Variants in AMZ2 observed in about 807,000 individuals in gnomAD.
The protein encoded by AMZ2 is archaelysin family metallopeptidase 2.
A neutral mutation model predicts 36.7 loss-of-function variants in AMZ2; 26 were observed. The ratio of observed to expected loss-of-function variants is 0.71; its 90% CI spans 0.52 to 0.98. The LOEUF is 0.98. AMZ2 is among the 50% of genes least tolerant of loss of function. AMZ2 has a pLI of 0.00. For synonymous variants in AMZ2, 144 were observed against 149.1 expected, an observed-to-expected ratio of 0.97 and a Z score of 0.25; for missense variants, 394 against 430.5, an observed-to-expected ratio of 0.92 and a Z score of 0.75.
chr17:68,253,794 G>A (rs1343357360), intron 4 of AMZ2, among the ~76,000 whole-genome samples: 12 of 146,880 alleles, frequency 8.2e-5, no homozygotes, highest in African/African-American at 3.1e-4. Flanking sequence ...TCACTCTATC[G>A]TCAGGCTGGA....
intron 1 of AMZ2, among the ~76,000 whole-genome samples, chr17:68,212,213 A>G (rs1297322996): frequency 1.6e-4 from 24 of 152,170 alleles, no homozygotes; most frequent in Non-Finnish European, 1.5e-5. Context: ...TTCTACAAAA[A>G]ATACAAAAAT....
chr17:68,229,219 A>G (rs72847827), intron 1 of AMZ2, among the ~76,000 whole-genome samples: 55 of 148,550 alleles, frequency 3.7e-4, no homozygotes, highest in Admixed American at 5.3e-4. Flanking sequence ...CCCTGATTCC[A>G]TGGCACTGAC....
chr17:68,244,057 C>A (rs2073955102), upstream of AMZ2, among the ~76,000 whole-genome samples: 2 of 152,084 alleles, frequency 1.3e-5, no homozygotes, highest in African/African-American at 4.8e-5. Context: ...TAGTACAGAG[C>A]AAATAAATAA....
chr17:68,220,210 T>C (rs2144536161), intron 1 of AMZ2, among the ~76,000 whole-genome samples: 1 of 152,362 alleles, frequency 6.6e-6, no homozygotes, highest in East Asian at 1.9e-4. Context: ...TTTATACTTC[T>C]CTGTTTTCTA....
Position 68,257,030 on chromosome 17 carries a change from G to A in AMZ2, c.*61G>A. On this transcript the variant is annotated 3_prime_UTR_variant, in exon 7 of 7. Coordinates refer to ENST00000359904, the MANE Select transcript of AMZ2 (RefSeq NM_016627.5). ...ACTTGCATGTTATGCTTTCATTTGG[G>A]TGGAATACTTCATTGGAATAAACTA... 6.5e-7 allele frequency: 1 copy of A among 1,545,882 alleles called. No individual in the cohort carries two copies. The highest frequency in any genetic ancestry group is 8.8e-7 in the Non-Finnish European group (1 of 1,134,092).
rs565262549 is a variant in AMZ2 at position 68,238,625 on chromosome 17, G to C, written c.-66-10015G>C. Among the ~76,000 whole-genome samples the C allele has an allele frequency of 1.7e-4, 26 of 151,426 alleles. 1 individual carries two copies. Among genetic ancestry groups the C allele is most frequent in the African/African-American group, 6.3e-4 (26 of 41,002 alleles). On this transcript the variant is annotated intron_variant, in intron 1 of 7. Coordinates refer to the AMZ2 transcript ENST00000674770. ...CACAATCAGATTGTGGTAGCTTTTGGAAACTCTCTGAGGCACAGAAAATAA... is the reference window on the plus strand; with the variant it reads ...CACAATCAGATTGTGGTAGCTTTTGCAAACTCTCTGAGGCACAGAAAATAA...
chr17:68,253,759 ATTT>A (rs71142159), intron 4 of AMZ2, among the ~76,000 whole-genome samples: 1 of 146,552 alleles, frequency 6.8e-6, no homozygotes, highest in Non-Finnish European at 1.5e-5. Flanking sequence ...TGTTCATGTG[ATTT>A]TTTTTTTTTT....
Position 68,248,153 on chromosome 17 carries a change from C to T in AMZ2, c.-553C>T. 1.0e-6 allele frequency: 1 copy of T among 986,420 alleles called. No individual in the cohort carries two copies. Among genetic ancestry groups the T allele is most frequent in the Non-Finnish European group, 1.2e-6 (1 of 830,658 alleles). 61.1% of individuals were successfully genotyped at this position (986,420 alleles called of 1,614,324 possible). A position where few individuals can be genotyped will look rare whatever the true frequency, so the allele number is the denominator to read the frequency against. On this transcript the variant is annotated 5_prime_UTR_variant, in exon 1 of 7. Coordinates refer to ENST00000359904, the MANE Select transcript of AMZ2 (RefSeq NM_016627.5). ...GTGCTGTCAGAGCTGGGCCGGGGCC[C>T]CTAGGCAGGGTAGCCGGGTCGTAGA...
upstream of AMZ2, among the ~76,000 whole-genome samples, chr17:68,246,355 G>C (rs1226468252): frequency 6.6e-6 from 1 of 152,024 alleles, no homozygotes; most frequent in African/African-American, 2.4e-5. Context: ...ATGACAGAGC[G>C]AGACTTCGTG....
chr17:68,249,899 A>G (rs1484094232), intron 1 of AMZ2: 1 of 375,808 alleles, frequency 2.7e-6, no homozygotes, highest in Non-Finnish European at 4.9e-6. Context: ...CTCCTATCCC[A>G]AAGTGCTGAA....
At chr17:68,254,040 C>A (rs1351055672) in intron 4 of AMZ2, among the ~76,000 whole-genome samples, 1 of 152,162 alleles carries the variant, frequency 6.6e-6, no homozygotes, top group Admixed American at 6.5e-5. Context: ...CCACCACGCC[C>A]AACCCATGTG....
chr17:68,209,628 A>T (rs67966512), intron 1 of AMZ2, among the ~76,000 whole-genome samples: 21,605 of 96,160 alleles, frequency 0.22, 2,527 homozygotes, highest in Non-Finnish European at 0.26. Flanking sequence ...ATATATATAT[A>T]TATATTTTTT....
At chr17:68,254,171 G>A (rs1329738229) in intron 4 of AMZ2, among the ~76,000 whole-genome samples, 1 of 152,212 alleles carries the variant, frequency 6.6e-6, no homozygotes, top group African/African-American at 2.4e-5. Context: ...TTGACCTCAA[G>A]TCCATTAAGT....
At chr17:68,213,680 G>A (rs1470310788) in intron 1 of AMZ2, among the ~76,000 whole-genome samples, 2 of 152,196 alleles carry the variant, frequency 1.3e-5, no homozygotes, top group East Asian at 3.8e-4. Flanking sequence ...AATTGTGTTT[G>A]ATTCTGAGAA....
chr17:68,207,312 T>TCCCCCCC (rs1599240418), intron 1 of AMZ2: 3 of 55,522 alleles, frequency 5.4e-5, no homozygotes, highest in Non-Finnish European at 1.1e-4. Context: ...TTTTGTTAAA[T>TCCCCCCC]ACCCCCCCCC....
rs1386619750 is a variant in AMZ2, at chr17:68,236,813, C to T, written c.-66-11827C>T. Among the ~76,000 whole-genome samples, 3 of 152,112 alleles carry T rather than the reference C, an allele frequency of 2.0e-5. No individual in the cohort carries two copies. The East Asian group carries it at 5.8e-4, about 29-fold the overall frequency. ...CAGGCTGGTCTCCAACTCCTGACCT[C>T]AAATGATCCACCCACCTTGGCCTCC... On this transcript the variant is annotated intron_variant, in intron 1 of 7. Coordinates refer to the AMZ2 transcript ENST00000674770.
At chr17:68,226,673 T>G (rs1197764865) in intron 1 of AMZ2, among the ~76,000 whole-genome samples, 17 of 152,160 alleles carry the variant, frequency 1.1e-4, no homozygotes, top group Non-Finnish European at 2.9e-5. Flanking sequence ...ATCATGCATG[T>G]GTTTGGAAAA....
At position 68,209,588 on chromosome 17, in the gene AMZ2, G is replaced by C. The variant is rs1555725269; in HGVS notation, c.-67+3350G>C. 3.3e-3 allele frequency among the ~76,000 whole-genome samples: 344 copies of C among 104,542 alleles called. 5 individuals carry two copies. The highest frequency in any genetic ancestry group is 4.6e-3 in the Non-Finnish European group (238 of 51,978). The allele number at this position is 104,542 out of a possible 152,430, so 68.6% of individuals were successfully genotyped here. ...TAGAAGAAAATAATTGTGGGTGTGT[G>C]TGTGTGTGTGTGTGTGTATATGTAT... On this transcript the variant is annotated intron_variant, in intron 1 of 7. Coordinates refer to the AMZ2 transcript ENST00000674770.
rs1240180698 is a variant in AMZ2, at chr17:68,235,513, C to A, written c.-66-13127C>A. ...TGGAGTTCGCGCCCTCTCACTGTGG[C>A]ACACGGGCCTGAGCCTCAGGAACAC... On this transcript the variant is annotated intron_variant, in intron 1 of 7. Coordinates refer to the AMZ2 transcript ENST00000674770. This position sits in a 1 kb window ranked among gnomAD's most constrained non-coding sequence, Gnocchi z 4.2. Among the ~76,000 whole-genome samples the A allele has an allele frequency of 6.6e-6, 1 of 152,152 alleles. No homozygotes were observed. Among genetic ancestry groups the A allele is most frequent in the African/African-American group, 2.4e-5 (1 of 41,434 alleles).
Sources: allele counts gnomAD v4.1 joint callset (sites outside exome capture counted in the v4.1 genomes callset), GRCh38; gene constraint gnomAD v4.1.1; non-coding constraint Gnocchi (gnomAD v3.1); transcripts MANE v1.5; gene names NCBI Gene and HGNC (gene_info 2026-07-23, HGNC 2026-07-21).